The following IGSF1 variants were observed in gnomAD, a reference collection of about 807,000 sequenced individuals.
IGSF1 encodes the protein immunoglobulin-like domain-containing protein 1.
Under a neutral mutation model 95.3 loss-of-function variants are expected in IGSF1, and 40 were observed. The ratio of observed to expected loss-of-function variants is 0.42; its 90% CI spans 0.33 to 0.55. IGSF1 has a LOEUF of 0.55. IGSF1 is among the 20% of genes least tolerant of loss of function. IGSF1 has a pLI of 0.10. For synonymous variants in IGSF1, 372 were observed against 382.9 expected (o/e 0.97, Z 0.33); for missense variants, 906 against 1,025.4 (o/e 0.88, Z 1.59).
chrX:131,284,716 TTTG>T, intron 5 of IGSF1: 1 of 743,067 alleles, frequency 1.3e-6, no homozygotes. Context: ...TTCTTTGTCA[TTTG>T]TTTTTTTTTG....
chrX:131,284,523 G>A (rs1603405691), intron 5 of IGSF1: 1 of 751,971 alleles, frequency 1.3e-6, no homozygotes, highest in African/African-American at 2.3e-5. Context: ...TAAAGCAAAT[G>A]TGGCCAATTC....
chrX:131,277,295 A>G (rs2080489809), intron 13 of IGSF1, 69 bp from the exon 14 acceptor site: 1 of 987,389 alleles, frequency 1.0e-6, no homozygotes. Flanking sequence ...AAGAACAAGA[A>G]AGAGAGAAAG....
At chrX:131,276,366 G>GA (rs199533488) in intron 14 of IGSF1, 118 bp from the exon 15 acceptor site, 685 of 543,698 alleles carry the variant, frequency 1.3e-3, no homozygotes, top group Non-Finnish European at 1.6e-3. Context: ...AGAAAATATA[G>GA]AAAAAAAAAC....
At chrX:131,276,904 TG>T in intron 14 of IGSF1, 34 bp downstream of exon 14, 1 of 1,183,340 alleles carries the variant, frequency 8.5e-7, no homozygotes, top group South Asian at 1.9e-5. Flanking sequence ...ATCCCAGGGT[TG>T]GCACCACCTC....
intron 11 of IGSF1, 138 bp downstream of exon 11, chrX:131,279,005 C>G: frequency 1.4e-6 from 1 of 736,505 alleles, no homozygotes. Context: ...CTGAATTTTG[C>G]CAGCAGCTTT....
intron 9 of IGSF1, among the ~76,000 whole-genome samples, chrX:131,279,747 G>A (rs186441706): frequency 9.0e-6 from 1 of 111,628 alleles, no homozygotes; most frequent in African/African-American, 3.3e-5. Context: ...GAGAAACTGT[G>A]AGTATTTCTC....
In IGSF1 at chrX:131,276,178, C is replaced by T; in HGVS notation, c.2679G>A (p.Leu893=). ...PVVFPGKSVI[L]RCQGTFQGMR... ...TGCCCTGGAAAGTCCCTTGGCAGCGCAGGATCACACTCTTCCCAGGAAACA... is the reference window on the plus strand; with the variant it reads ...TGCCCTGGAAAGTCCCTTGGCAGCGTAGGATCACACTCTTCCCAGGAAACA... Residue 893 remains leucine, a synonymous_variant, in exon 15 of 20, where the codon CTG becomes CTA. Transcript: ENST00000361420. The T allele has an allele frequency of 8.3e-7, 1 of 1,209,911 alleles. No homozygotes were observed.
chrX:131,287,133 G>GTGTGTATATATACA (rs1569408324), intron 1 of IGSF1, among the ~76,000 whole-genome samples: 22 of 102,397 alleles, frequency 2.1e-4, no homozygotes, highest in Non-Finnish European at 3.7e-4. Context: ...GTATATATAC[G>GTGTGTATATATACA]TATATATGTG....
chrX:131,273,996 G>T (rs377086134), intron 19 of IGSF1, 65 bp from the exon 20 acceptor site: 2 of 1,201,142 alleles, frequency 1.7e-6, no homozygotes, highest in East Asian at 5.9e-5. Flanking sequence ...GCACGGTGGG[G>T]CTCAGATACT....
rs775890919 is a variant in IGSF1, at chrX:131,273,816, C to T, written c.3991G>A (p.Glu1331Lys). The T allele has an allele frequency of 8.3e-6, 10 of 1,208,872 alleles. No individual in the cohort carries two copies. Among genetic ancestry groups the T allele is most frequent in the Non-Finnish European group, 1.1e-5 (10 of 893,682 alleles). Residue 1331 changes from glutamate to lysine, a missense_variant, in exon 20 of 20, where the codon GAA becomes AAA. Glu to Lys is a moderately conservative substitution (Grantham distance 56). This residue lies in a region of IGSF1 where 411 missense variants were observed against 494.9 expected (regional missense o/e 0.83). Coordinates refer to ENST00000361420, the MANE Select transcript of IGSF1 (RefSeq NM_001555.5). ...PSSTSQRISV[E>K]LPVPI ...GATTATTATATTGGAACGGGCAGTTCCACAGAGATTCTCTGAGAGGTTGAT... is the reference window on the plus strand; with the variant it reads ...GATTATTATATTGGAACGGGCAGTTTCACAGAGATTCTCTGAGAGGTTGAT...
intron 18 of IGSF1, 52 bp downstream of exon 18, chrX:131,274,547 C>T (rs1241710292): frequency 1.8e-5 from 21 of 1,148,778 alleles, no homozygotes; most frequent in Non-Finnish European, 2.2e-5. Context: ...GGGGACTGTC[C>T]CTGGGATCCC....
intron 5 of IGSF1, chrX:131,284,945 G>C: frequency 8.3e-6 from 6 of 724,426 alleles, no homozygotes; most frequent in Non-Finnish European, 1.1e-5. Context: ...AGCTGAAGCT[G>C]CTGGCCAGTT....
In IGSF1 at chrX:131,278,023, C is replaced by T; in HGVS notation, c.2153G>A (p.Gly718Glu). 1 of 1,210,759 alleles carries T rather than the reference C, an allele frequency of 8.3e-7. No individual in the cohort carries two copies. The highest frequency in any genetic ancestry group is 1.1e-6 in the Non-Finnish European group (1 of 894,541). The change falls in exon 13 of 20, where the codon GGA becomes GAA. Residue 718 changes from glycine to glutamate, a missense_variant. Physicochemically the swap from Gly to Glu is moderately conservative, Grantham distance 98. Around this residue, in one of 5 missense-constraint regions of IGSF1, gnomAD observed 411 missense variants for 494.9 expected, o/e 0.83. Transcript: ENST00000361420. ...AAGTTGCTGGACAGGTTCTTGCTCT[C>T]CCTCCTTATACAGAGCAAACCCCAT... ...AGMGFALYKE[G>E]EQEPVQQLGA...
At position 131,279,951 on chromosome X, in the gene IGSF1, G is replaced by A. The variant is rs1318546365; in HGVS notation, c.1647-610C>T. 3.6e-5 allele frequency among the ~76,000 whole-genome samples: 4 copies of A among 111,811 alleles called. No individual in the cohort carries two copies. The East Asian group carries it at 1.1e-3, about 31-fold the overall frequency. On this transcript the variant is annotated intron_variant, in intron 9 of 19. Coordinates refer to ENST00000361420, the MANE Select transcript of IGSF1 (RefSeq NM_001555.5). ...CCCAGATTATAACTAGAAATGTGCA[G>A]CAGCTTTGGGTCATGAGTCTTGTAG...
intron 5 of IGSF1, among the ~76,000 whole-genome samples, 178 bp from the exon 6 acceptor site, chrX:131,283,442 C>A (rs978797195): frequency 8.9e-6 from 1 of 112,040 alleles, no homozygotes; most frequent in African/African-American, 3.2e-5. Flanking sequence ...CACTTATGCC[C>A]CTGTTCTCTC....
Position 131,285,864 on chromosome X carries a change from A to C in IGSF1, c.282T>G (p.Gly94=). The change falls in exon 4 of 20, where the codon GGT becomes GGG. Residue 94 remains glycine (G), a synonymous_variant. Coordinates refer to ENST00000361420, the MANE Select transcript of IGSF1 (RefSeq NM_001555.5). ...GACCTGCATTGGACTCAGTAAGGGC[A>C]CCTATAAGGAATGAAACTTGGAAGG... is the stretch of plus-strand genomic sequence containing the variant. The part of the protein sequence containing the change: ...HKTFQVSFLI[G]ALTESNAGLY... 4 of 1,210,724 alleles carry C rather than the reference A, an allele frequency of 3.3e-6. No homozygotes were observed. The highest frequency in any genetic ancestry group is 4.5e-6 in the Non-Finnish European group (4 of 894,775).
chrX:131,273,873 C>T lies in IGSF1; in HGVS notation c.3934G>A (p.Gly1312Arg), dbSNP rs1004053259. 8.3e-7 allele frequency: 1 copy of T among 1,210,041 alleles called. No individual in the cohort carries two copies. The highest frequency in any genetic ancestry group is 2.3e-4 in the Middle Eastern group (1 of 4,344). ...GAATTGGCAGGGGTGCCTGGTTCTC[C>T]TTCTTGGTTACACTCTTCAAGGGCA... The part of the protein sequence containing the change: ...TIALEECNQE[G>R]EPGTPANSPS... Residue 1312 changes from glycine to arginine, a missense_variant, in exon 20 of 20, where the codon GGA (glycine) becomes AGA (arginine). Gly to Arg is a moderately radical substitution (Grantham distance 125). This residue lies in a region of IGSF1 where 411 missense variants were observed against 494.9 expected (regional missense o/e 0.83). Transcript: ENST00000361420.
intron 11 of IGSF1, 117 bp from the exon 12 acceptor site, chrX:131,278,868 A>C: frequency 1.5e-6 from 1 of 689,545 alleles, no homozygotes; most frequent in Non-Finnish European, 2.2e-6. Context: ...CCCAAATCCA[A>C]ACCCTTTCCT....
intron 1 of IGSF1, 56 bp downstream of exon 1, chrX:131,289,158 G>A (rs927710705): frequency 2.7e-6 from 1 of 373,793 alleles, no homozygotes; most frequent in African/African-American, 2.5e-5. Context: ...TTAGGATCCG[G>A]TGGCCAGTAT....
Sources: allele counts gnomAD v4.1 joint callset (sites outside exome capture counted in the v4.1 genomes callset), GRCh38; gene constraint gnomAD v4.1.1; regional missense constraint gnomAD v4.1.1; transcripts MANE v1.5; gene names NCBI Gene and HGNC (gene_info 2026-07-23, HGNC 2026-07-21).